The following DICER1 variants were observed in gnomAD, a reference collection of about 807,000 sequenced individuals.
DICER1 encodes dicer 1, ribonuclease III.
Under a neutral mutation model 194.1 loss-of-function variants are expected in DICER1, and 43 were observed. That is an observed-to-expected ratio of 0.22 (90% CI 0.17 to 0.29). The LOEUF (loss-of-function observed/expected upper bound fraction) is 0.29. Among genes scored for constraint, DICER1 ranks in the 10% least tolerant of loss-of-function variants. The pLI, the probability that DICER1 is intolerant of heterozygous loss-of-function variation, is 1.00. For synonymous variants in DICER1, 832 were observed against 820.5 expected (o/e 1.01, Z -0.24); for missense variants, 1,608 against 2,317.0 (o/e 0.69, Z 6.28).
chr14:95,118,123 A>G (rs951132266), intron 8 of DICER1, among the ~76,000 whole-genome samples: 3 of 152,152 alleles, frequency 2.0e-5, no homozygotes, highest in Non-Finnish European at 4.4e-5. Context: ...AGGACGTCCA[A>G]TGAAAAAAGC....
chr14:95,125,499 G>GGAGAGGGA (rs1893330701), intron 7 of DICER1, among the ~76,000 whole-genome samples: 2 of 137,936 alleles, frequency 1.4e-5, no homozygotes, highest in African/African-American at 2.8e-5. Flanking sequence ...AGGAATTGAG[G>GGAGAGGGA]GAGAGGGAGA....
intron 1 of DICER1, among the ~76,000 whole-genome samples, chr14:95,145,384 T>C (rs867483993): frequency 4.6e-5 from 7 of 152,192 alleles, no homozygotes; most frequent in South Asian, 2.1e-4. Context: ...TTGTATTCAC[T>C]AGTTCTCTTG....
In DICER1 at chr14:95,103,327, TA is replaced by T. The variant is rs781354718; in HGVS notation, c.4050+18del. ...ACACTGAATAATTAACTGCTCAAAA[TA>T]AAAAAATCATCTCTTACCTTTTTGC... On this transcript the variant is annotated intron_variant, in intron 21 of 26. Coordinates refer to ENST00000343455, the MANE Select transcript of DICER1 (RefSeq NM_177438.3). 2.5e-6 allele frequency: 4 copies of T among 1,612,558 alleles called. No individual in the cohort carries two copies. The highest frequency in any genetic ancestry group is 2.5e-6 in the Non-Finnish European group (3 of 1,178,664).
At chr14:95,138,649 T>G (rs1894596640) in intron 1 of DICER1, among the ~76,000 whole-genome samples, 1 of 152,114 alleles carries the variant, frequency 6.6e-6, no homozygotes, top group South Asian at 2.1e-4. Flanking sequence ...CATGACTGCC[T>G]GACTTCTGCC....
chr14:95,115,022 T>C (rs1595403430), intron 11 of DICER1, among the ~76,000 whole-genome samples: 1 of 152,170 alleles, frequency 6.6e-6, no homozygotes, highest in Non-Finnish European at 1.5e-5. Context: ...GGTAGATACT[T>C]TGGCTACAAA....
intron 17 of DICER1, among the ~76,000 whole-genome samples, chr14:95,107,300 G>A (rs566763884): frequency 1.3e-5 from 2 of 151,572 alleles, no homozygotes; most frequent in Admixed American, 1.3e-4. Flanking sequence ...CTCCAGGCTG[G>A]AGTGCAGTGG....
chr14:95,139,216 T>A (rs987754655), intron 1 of DICER1, among the ~76,000 whole-genome samples: 3 of 152,334 alleles, frequency 2.0e-5, no homozygotes, highest in Middle Eastern at 3.4e-3. Flanking sequence ...ATAGTCTTAA[T>A]CCATAAAATG....
rs1235572845 is a variant in DICER1, at chr14:95,151,267, C to T, written c.-46+5963G>A. Among the ~76,000 whole-genome samples the T allele has an allele frequency of 3.3e-5, 5 of 152,122 alleles. No homozygotes were observed. In the East Asian group the frequency reaches 5.8e-4, roughly 18 times the overall value. ...CTGAACCAGTATAGATAATCCTCCT[C>T]GAAAACTTGTCTGTAAAATATTGTT... On this transcript the variant is annotated intron_variant, in intron 1 of 26. Transcript: ENST00000343455.
chr14:95,126,822 C>G, intron 6 of DICER1, 74 bp from the exon 7 acceptor site: 4 of 342,248 alleles, frequency 1.2e-5, no homozygotes, highest in Middle Eastern at 8.8e-4. Flanking sequence ...TTTCAAAAAG[C>G]AAAAAAAAAA....
intron 12 of DICER1, among the ~76,000 whole-genome samples, 196 bp from the exon 13 acceptor site, chr14:95,112,443 T>C (rs990448150): frequency 6.6e-5 from 10 of 152,226 alleles, no homozygotes; most frequent in African/African-American, 2.4e-4. Flanking sequence ...TTAAAAGTCC[T>C]GCCTAGTAAA....
In DICER1 at chr14:95,094,298, TATC is replaced by T; in HGVS notation, c.5096-145_5096-143del. 5.5e-6 allele frequency: 6 copies of T among 1,083,222 alleles called. No individual in the cohort carries two copies. In the South Asian group the frequency reaches 7.3e-5, roughly 13 times the overall value. The allele number at this position is 1,083,222 out of a possible 1,614,324, so 67.1% of individuals were successfully genotyped here. On this transcript the variant is annotated intron_variant, in intron 23 of 26. Coordinates refer to ENST00000343455, the MANE Select transcript of DICER1 (RefSeq NM_177438.3). Reference sequence around the variant, plus strand: ...TATTCTTCAAAAAGGATATCTGACATATCATACTAAAAAGCCTCTGGAAACTAA... The same window carrying T: ...TATTCTTCAAAAAGGATATCTGACATATACTAAAAAGCCTCTGGAAACTAA...
Position 95,096,114 on chromosome 14 carries a change from G to A in DICER1, c.4806C>T (p.Ala1602=), listed in dbSNP as rs1890302137. The part of the protein sequence containing the change: ...PVIKRTDREK[A]LCPTRENFNS... Reference sequence around the variant, plus strand: ...TGAAATTCTCCCGAGTAGGGCACAGGGCCTTTTCCCGATCAGTCCTTTTAA... The same window carrying A: ...TGAAATTCTCCCGAGTAGGGCACAGAGCCTTTTCCCGATCAGTCCTTTTAA... Residue 1602 remains alanine, a synonymous_variant, in exon 23 of 27, where the codon GCC becomes GCT. Coordinates refer to ENST00000343455, the MANE Select transcript of DICER1 (RefSeq NM_177438.3). 6.2e-7 allele frequency: 1 copy of A among 1,614,148 alleles called. No homozygotes were observed. Among genetic ancestry groups the A allele is most frequent in the East Asian group, 2.2e-5 (1 of 44,884 alleles).
At position 95,091,084 on chromosome 14, in the gene DICER1, A is replaced by C. The variant is rs769532201; in HGVS notation, c.5553T>G (p.Arg1851=). ...TTTCAAGCAATTCTCGCACAGGGGAACGGGGTACATTTGCAGAAAACTTTT... is the reference window on the plus strand; with the variant it reads ...TTTCAAGCAATTCTCGCACAGGGGACCGGGGTACATTTGCAGAAAACTTTT... ...LIEKFSANVP[R]SPVRELLEME... Residue 1851 remains arginine, a synonymous_variant, in exon 26 of 27, where the codon CGT becomes CGG. Coordinates refer to ENST00000343455, the MANE Select transcript of DICER1 (RefSeq NM_177438.3). The C allele has an allele frequency of 1.9e-6, 3 of 1,613,966 alleles. No individual in the cohort carries two copies. The East Asian group carries it at 6.7e-5, about 36-fold the overall frequency.
At chr14:95,131,451 C>G (rs1456978670) in intron 4 of DICER1, 58 bp downstream of exon 4, 4 of 1,548,856 alleles carry the variant, frequency 2.6e-6, no homozygotes, top group Non-Finnish European at 3.6e-6. Context: ...GATCATCTTA[C>G]AAACCAAGTC....
In DICER1 at chr14:95,090,169, C is replaced by T. The variant is rs1448701112; in HGVS notation, c.*329G>A. 2 of 349,802 alleles carry T rather than the reference C, an allele frequency of 5.7e-6. No homozygotes were observed. The highest frequency in any genetic ancestry group is 6.6e-5 in the Admixed American group (1 of 15,204). 21.7% of individuals were successfully genotyped at this position (349,802 alleles called of 1,614,324 possible). ...TAACACTAAGCAAAGCTGACATAAA[C>T]TCAAAAAAAAAAAAACAAAACCTGT... On this transcript the variant is annotated 3_prime_UTR_variant, in exon 27 of 27. Transcript: ENST00000343455.
chr14:95,118,773 T>C (rs73331505), intron 8 of DICER1, among the ~76,000 whole-genome samples: 5,055 of 151,662 alleles, frequency 0.033, 305 homozygotes, highest in African/African-American at 0.12. Flanking sequence ...AAATAGAAAA[T>C]TGCATTTTTA....
Position 95,099,828 on chromosome 14 carries a change from T to C in DICER1, c.4158A>G (p.Val1386=), listed in dbSNP as rs1256817102. Residue 1386 remains valine (V), a synonymous_variant, in exon 22 of 27, where the codon GTA becomes GTG. Coordinates refer to ENST00000343455, the MANE Select transcript of DICER1 (RefSeq NM_177438.3). ...PPVNWLPPGY[V]VNQDKSNTDK... ...CTGTGTTGCTTTTGTCTTGATTTAC[T>C]ACATAACCAGGAGGAAGCCAATTCA... The C allele has an allele frequency of 2.5e-6, 4 of 1,613,980 alleles. No homozygotes were observed. The highest frequency in any genetic ancestry group is 3.3e-4 in the Middle Eastern group (2 of 6,060).
intron 24 of DICER1, among the ~76,000 whole-genome samples, chr14:95,092,380 T>A (rs1369884357): frequency 6.6e-6 from 1 of 152,206 alleles, no homozygotes; most frequent in African/African-American, 2.4e-5. Context: ...TTACTTGTAC[T>A]AACTTTTCTA....
chr14:95,090,289 G>A lies in DICER1; in HGVS notation c.*209C>T, dbSNP rs536572479. The A allele has an allele frequency of 2.2e-5, 13 of 598,958 alleles. No individual in the cohort carries two copies. Among genetic ancestry groups the A allele is most frequent in the Admixed American group, 1.2e-4 (4 of 33,606 alleles). The allele number at this position is 598,958 out of a possible 1,614,324, so 37.1% of individuals were successfully genotyped here. ...GGAAAGAAGATAAGATTGTGTTTGCGCAAAAAACTAAAACTACAATTAGTT... is the reference window on the plus strand; with the variant it reads ...GGAAAGAAGATAAGATTGTGTTTGCACAAAAAACTAAAACTACAATTAGTT... On this transcript the variant is annotated 3_prime_UTR_variant, in exon 27 of 27. Coordinates refer to ENST00000343455, the MANE Select transcript of DICER1 (RefSeq NM_177438.3).
Sources: gnomAD v4.1 joint callset for allele counts (sites outside exome capture counted in the v4.1 genomes callset) on GRCh38, gnomAD v4.1.1 for gene constraint, MANE v1.5 for transcripts, NCBI Gene and HGNC (gene_info 2026-07-23, HGNC 2026-07-21) for gene names.